GMEB1: variants seen among roughly 807,000 people sequenced by gnomAD.
GMEB1 encodes the protein glucocorticoid modulatory element-binding protein 1.
A neutral mutation model predicts 52.4 loss-of-function variants in GMEB1; 6 were observed. The ratio of observed to expected loss-of-function variants is 0.11; its 90% CI spans 0.06 to 0.23. The LOEUF (loss-of-function observed/expected upper bound fraction) is 0.23, where lower values mean the gene tolerates loss of function less well. Among genes scored for constraint, GMEB1 ranks in the 10% least tolerant of loss-of-function variants. The pLI is 1.00. For missense variants in GMEB1, 486 were observed against 685.6 expected (o/e 0.71, Z 3.25); for synonymous variants, 255 against 244.9 (o/e 1.04, Z -0.38).
chr1:28,672,968 T>C (rs975359314), intron 1 of GMEB1, among the ~76,000 whole-genome samples: 2 of 151,624 alleles, frequency 1.3e-5, no homozygotes, highest in African/African-American at 4.9e-5. Context: ...CGATCTCGGC[T>C]CAGCGCAACC....
At chr1:28,707,450 G>C (rs2124575641) in intron 8 of GMEB1, among the ~76,000 whole-genome samples, 1 of 152,270 alleles carries the variant, frequency 6.6e-6, no homozygotes, top group South Asian at 2.1e-4. Context: ...TCATGGATTA[G>C]AGTGGGTAGC....
chr1:28,704,768 C>T (rs766278948), intron 8 of GMEB1, among the ~76,000 whole-genome samples: 11 of 152,022 alleles, frequency 7.2e-5, no homozygotes, highest in Admixed American at 1.3e-4. Context: ...CCACCACATC[C>T]GGCTAATTTT....
chr1:28,678,573 T>G (rs1360066530), intron 1 of GMEB1, among the ~76,000 whole-genome samples: 1 of 152,110 alleles, frequency 6.6e-6, no homozygotes, highest in Non-Finnish European at 1.5e-5. Context: ...CCTCCCAAAG[T>G]GCTGGGATTA....
In GMEB1 at chr1:28,686,565, G is replaced by T. The variant is rs1416369481; in HGVS notation, c.128+2825G>T. On this transcript the variant is annotated intron_variant, in intron 2 of 9. Coordinates refer to ENST00000373816, the MANE Select transcript of GMEB1 (RefSeq NM_001319674.2). ...AATTGCTTGAGTCTGGGAGATGGAG[G>T]TTGCAGTGAGCCGAGATTGCACTAC... Among the ~76,000 whole-genome samples, 3 of 145,408 alleles carry T rather than the reference G, an allele frequency of 2.1e-5. No individual in the cohort carries two copies. In the Admixed American group the frequency reaches 2.2e-4, roughly 10 times the overall value.
intron 1 of GMEB1, among the ~76,000 whole-genome samples, chr1:28,675,785 C>T (rs372461788): frequency 5.9e-5 from 9 of 152,178 alleles, no homozygotes; most frequent in South Asian, 2.1e-4. Context: ...AAGCCCCGAA[C>T]GATCAACTCA....
At chr1:28,705,195 C>T (rs1004523475) in intron 8 of GMEB1, among the ~76,000 whole-genome samples, 6 of 150,948 alleles carry the variant, frequency 4.0e-5, no homozygotes, top group Non-Finnish European at 7.4e-5. Flanking sequence ...TCGAGACCAG[C>T]CTGGCCAACA....
chr1:28,695,750 A>G (rs968245099), intron 5 of GMEB1, among the ~76,000 whole-genome samples: 1 of 145,142 alleles, frequency 6.9e-6, no homozygotes, highest in African/African-American at 2.5e-5. Flanking sequence ...CATCCCGGCT[A>G]AAACGGTGAA....
chr1:28,714,873 T>TAAAA lies in GMEB1; in HGVS notation c.*110_*113dup. ...CTCATTTCCACATAGGACCCTTTTTTAAAAAAAAAAAAACAAAATCTTATT... is the reference window on the plus strand; with the variant it reads ...CTCATTTCCACATAGGACCCTTTTTTAAAAAAAAAAAAAAAAACAAAATCTTATT... On this transcript the variant is annotated 3_prime_UTR_variant, in exon 10 of 10. Coordinates refer to ENST00000373816, the MANE Select transcript of GMEB1 (RefSeq NM_001319674.2). 3.4e-6 allele frequency: 2 copies of TAAAA among 595,372 alleles called. No individual in the cohort carries two copies. Among genetic ancestry groups the TAAAA allele is most frequent in the Non-Finnish European group, 5.4e-6 (2 of 373,682 alleles). 36.9% of individuals were successfully genotyped at this position (595,372 alleles called of 1,614,324 possible). A position where few individuals can be genotyped will look rare whatever the true frequency, so the allele number is the denominator to read the frequency against.
rs1300445371 is a variant in GMEB1 at position 28,710,646 on chromosome 1, T to C, written c.991+4T>C. ...CAGTTTCTCTATACTCTGACAGGTA[T>C]GTATAAGTTATCGCTCTTCTTCGGT... On this transcript the variant is annotated splice_donor_region_variant and intron_variant, in intron 9 of 9. Transcript: ENST00000373816. 20 of 1,554,158 alleles carry C rather than the reference T, an allele frequency of 1.3e-5. No homozygotes were observed. Among genetic ancestry groups the C allele is most frequent in the Non-Finnish European group, 1.7e-5 (20 of 1,151,864 alleles).
intron 8 of GMEB1, among the ~76,000 whole-genome samples, chr1:28,706,185 T>G (rs1570431978): frequency 7.0e-6 from 1 of 143,704 alleles, no homozygotes; most frequent in Non-Finnish European, 1.5e-5. Flanking sequence ...AATAAATAAA[T>G]AAAGATTATT....
Position 28,718,148 on chromosome 1 carries a change from T to A in GMEB1, c.*3375T>A, listed in dbSNP as rs1156527837. On this transcript the variant is annotated 3_prime_UTR_variant, in exon 10 of 10. Coordinates refer to ENST00000373816, the MANE Select transcript of GMEB1 (RefSeq NM_001319674.2). ...TAAGCAGTTGCAATGAACCTTAGGCTGACTTGGTAGTAGGCATTTGTCTTT... is the reference window on the plus strand; with the variant it reads ...TAAGCAGTTGCAATGAACCTTAGGCAGACTTGGTAGTAGGCATTTGTCTTT... 3 of 152,240 alleles carry A rather than the reference T, an allele frequency of 2.0e-5. No individual in the cohort carries two copies. Among genetic ancestry groups the A allele is most frequent in the African/African-American group, 7.2e-5 (3 of 41,462 alleles). The allele number at this position is 152,240 out of a possible 1,614,324, so 9.4% of individuals were successfully genotyped here.
At chr1:28,706,954 A>G (rs893083897) in intron 8 of GMEB1, among the ~76,000 whole-genome samples, 1 of 142,332 alleles carries the variant, frequency 7.0e-6, no homozygotes, top group Non-Finnish European at 1.5e-5. Context: ...GGCGTGAGCC[A>G]CCATGCCTGT....
At chr1:28,687,362 A>G (rs1054278728) in intron 2 of GMEB1, among the ~76,000 whole-genome samples, 1 of 53,056 alleles carries the variant, frequency 1.9e-5, no homozygotes, top group African/African-American at 8.0e-5. Context: ...ACACACACAC[A>G]CACACACACA....
At chr1:28,677,299 C>G (rs1038152172) in intron 1 of GMEB1, among the ~76,000 whole-genome samples, 1 of 151,518 alleles carries the variant, frequency 6.6e-6, no homozygotes, top group African/African-American at 2.4e-5. Flanking sequence ...GCTCTGTCGC[C>G]CAGGTTGGAG....
chr1:28,707,923 G>C (rs1486810818), intron 8 of GMEB1, among the ~76,000 whole-genome samples: 1 of 151,188 alleles, frequency 6.6e-6, no homozygotes, highest in African/African-American at 2.4e-5. Flanking sequence ...TTTGGAGACA[G>C]GGTCTTGCTC....
At chr1:28,688,918 G>A (rs1669820490) in intron 2 of GMEB1, among the ~76,000 whole-genome samples, 1 of 64,858 alleles carries the variant, frequency 1.5e-5, no homozygotes, top group Admixed American at 1.7e-4. Context: ...TTGAGACAGA[G>A]TCTTGCTCCA....
At chr1:28,668,550 T>TA (rs1668709109), upstream of GMEB1, among the ~76,000 whole-genome samples, 1 of 151,808 alleles carries the variant, frequency 6.6e-6, no homozygotes, top group South Asian at 2.1e-4. Flanking sequence ...CATCTATGAG[T>TA]GCGGGAAGGA....
chr1:28,675,504 AC>A (rs1669109755), intron 1 of GMEB1, among the ~76,000 whole-genome samples: 2 of 149,030 alleles, frequency 1.3e-5, no homozygotes, highest in Non-Finnish European at 3.0e-5. Context: ...ACGTGGTGAA[AC>A]CCCGTCACTA....
chr1:28,713,316 C>T (rs759213345), intron 9 of GMEB1, among the ~76,000 whole-genome samples: 1 of 152,146 alleles, frequency 6.6e-6, no homozygotes, highest in Non-Finnish European at 1.5e-5. Flanking sequence ...TTGATTCTTT[C>T]TTGGGTGCTT....
Sources: allele counts gnomAD v4.1 joint callset (sites outside exome capture counted in the v4.1 genomes callset), GRCh38; gene constraint gnomAD v4.1.1; transcripts MANE v1.5; gene names NCBI Gene and HGNC (gene_info 2026-07-23, HGNC 2026-07-21).